SPMIP11: variants seen among roughly 807,000 people sequenced by gnomAD.
SPMIP11 encodes the protein sperm microtubule inner protein 11.
At chr12:48,737,544 A>T in the SPMIP11 span, among the ~76,000 whole-genome samples, 1,605 of 150,558 alleles carry the variant, frequency 0.011, 19 homozygotes, top group Non-Finnish European at 0.018. Flanking sequence ...TCTCCCATGT[A>T]GCTGGGATTA....
chr12:48,761,063 G>T, the SPMIP11 span, among the ~76,000 whole-genome samples: 1 of 152,140 alleles, frequency 6.6e-6, no homozygotes. Flanking sequence ...CTGGAAATGG[G>T]AATAATACTT....
the SPMIP11 span, among the ~76,000 whole-genome samples, chr12:48,732,689 G>A: frequency 6.6e-6 from 1 of 151,678 alleles, no homozygotes; most frequent in Non-Finnish European, 1.5e-5. Context: ...AGAATCGCTT[G>A]AACCCAGGAG....
chr12:48,731,214 C>T, the SPMIP11 span, among the ~76,000 whole-genome samples: 8 of 152,130 alleles, frequency 5.3e-5, no homozygotes, highest in South Asian at 2.1e-4. Context: ...TACTCACGGC[C>T]GGGCACGGTG....
At chr12:48,729,139 C>T in the SPMIP11 span, among the ~76,000 whole-genome samples, 5 of 152,316 alleles carry the variant, frequency 3.3e-5, no homozygotes, top group African/African-American at 1.2e-4. Context: ...CTGCGGCTCA[C>T]GCCTGTAATC....
chr12:48,765,485 TC>T, the SPMIP11 span: 3 of 641,642 alleles, frequency 4.7e-6, no homozygotes, highest in African/African-American at 5.4e-5. Context: ...CGCCAGGGCC[TC>T]CCAAAGTGCT....
chr12:48,758,874 C>T, the SPMIP11 span, among the ~76,000 whole-genome samples: 1 of 152,202 alleles, frequency 6.6e-6, no homozygotes, highest in African/African-American at 2.4e-5. Context: ...GCAAATATGC[C>T]AATCCCAGGA....
chr12:48,752,806 G>A, the SPMIP11 span, among the ~76,000 whole-genome samples: 1 of 151,662 alleles, frequency 6.6e-6, no homozygotes, highest in South Asian at 2.1e-4. Context: ...TGACTAGCTG[G>A]GATTACAGGC....
chr12:48,756,897 C>T, the SPMIP11 span, among the ~76,000 whole-genome samples: 1 of 151,816 alleles, frequency 6.6e-6, no homozygotes, highest in South Asian at 2.1e-4. Flanking sequence ...TTCCCTCAGC[C>T]ACCCTGGTAG....
the SPMIP11 span, among the ~76,000 whole-genome samples, chr12:48,744,248 C>CAAAA: frequency 2.0e-5 from 2 of 98,288 alleles, no homozygotes; most frequent in African/African-American, 8.0e-5. Flanking sequence ...AGCAACCTCT[C>CAAAA]AAAAAAAAAA....
the SPMIP11 span, among the ~76,000 whole-genome samples, chr12:48,739,874 AATCCTGTG>A: frequency 6.6e-6 from 1 of 152,150 alleles, no homozygotes; most frequent in Non-Finnish European, 1.5e-5. Context: ...CTTCACAGTG[AATCCTGTG>A]ATTCCTCAGA....
chr12:48,759,570 T>C, the SPMIP11 span, among the ~76,000 whole-genome samples: 156 of 151,494 alleles, frequency 1.0e-3, no homozygotes, highest in African/African-American at 3.6e-3. Context: ...GCCTGTAGTC[T>C]CAGCTACTCA....
the SPMIP11 span, among the ~76,000 whole-genome samples, chr12:48,728,730 A>AAG: frequency 6.6e-6 from 1 of 150,890 alleles, no homozygotes; most frequent in African/African-American, 2.4e-5. Flanking sequence ...AAAAAAAAAA[A>AAG]AGAAGGGGAT....
the SPMIP11 span, among the ~76,000 whole-genome samples, chr12:48,757,065 G>A: frequency 6.6e-6 from 1 of 151,906 alleles, no homozygotes; most frequent in Non-Finnish European, 1.5e-5. Flanking sequence ...CATGAGCCAC[G>A]GTGCCCAGCC....
the SPMIP11 span, among the ~76,000 whole-genome samples, chr12:48,745,477 C>A: frequency 0.013 from 1,966 of 151,996 alleles, 53 homozygotes; most frequent in African/African-American, 0.045. Flanking sequence ...CTTGGTGGTG[C>A]ATGCCTATAG....
chr12:48,764,604 A>G, the SPMIP11 span, among the ~76,000 whole-genome samples: 1 of 152,170 alleles, frequency 6.6e-6, no homozygotes, highest in Non-Finnish European at 1.5e-5. Context: ...ACTTGGGGAA[A>G]GCTCTCTTGG....
At chr12:48,761,981 T>G in the SPMIP11 span, among the ~76,000 whole-genome samples, 1 of 149,980 alleles carries the variant, frequency 6.7e-6, no homozygotes, top group Admixed American at 6.7e-5. Context: ...ATTACAGGTG[T>G]GAGCCACCAT....
the SPMIP11 span, among the ~76,000 whole-genome samples, chr12:48,751,740 A>T: frequency 6.7e-6 from 1 of 149,870 alleles, no homozygotes; most frequent in Non-Finnish European, 1.5e-5. Flanking sequence ...TATTGTAGAG[A>T]CTTATTGTAG....
At chr12:48,745,470 G>A in the SPMIP11 span, among the ~76,000 whole-genome samples, 2 of 152,162 alleles carry the variant, frequency 1.3e-5, no homozygotes, top group South Asian at 4.2e-4. Context: ...AGCTGGGCTT[G>A]GTGGTGCATG....
the SPMIP11 span, among the ~76,000 whole-genome samples, chr12:48,769,867 T>C: frequency 6.7e-6 from 1 of 150,236 alleles, no homozygotes; most frequent in African/African-American, 2.4e-5. Flanking sequence ...GTTCACACCA[T>C]TCTCCTGCCT....
Sources: allele counts gnomAD v4.1 joint callset (sites outside exome capture counted in the v4.1 genomes callset), GRCh38; gene constraint gnomAD v4.1.1; transcripts MANE v1.5; gene names NCBI Gene and HGNC (gene_info 2026-07-23, HGNC 2026-07-21).